Variants in NSMCE4A observed in about 807,000 individuals in gnomAD.
NSMCE4A encodes the protein non-structural maintenance of chromosomes element 4 homolog A.
NSMCE4A carries 40 observed loss-of-function variants against 47.9 expected under a neutral mutation model. The observed-to-expected ratio is 0.83, with a 90% CI of 0.65 to 1.09. NSMCE4A has a LOEUF of 1.09. Ranked by LOEUF, NSMCE4A falls within the 50% of genes least tolerant of loss-of-function variation. NSMCE4A has a pLI of 0.00. For synonymous variants in NSMCE4A, 166 were observed against 178.5 expected, an observed-to-expected ratio of 0.93 and a Z score of 0.56; for missense variants, 500 against 507.0, an observed-to-expected ratio of 0.99 and a Z score of 0.13.
intron 5 of NSMCE4A, among the ~76,000 whole-genome samples, chr10:121,964,561 C>T (rs550398032): frequency 6.6e-6 from 1 of 152,150 alleles, no homozygotes; most frequent in Non-Finnish European, 1.5e-5. Context: ...CCTGCGTCAG[C>T]CTCCCGAATA....
chr10:121,975,005 C>A lies in NSMCE4A; in HGVS notation c.161G>T (p.Ser54Ile). 3 of 1,508,820 alleles carry A rather than the reference C, an allele frequency of 2.0e-6. No individual in the cohort carries two copies. Among genetic ancestry groups the A allele is most frequent in the Non-Finnish European group, 1.8e-6 (2 of 1,132,340 alleles). The allele number at this position is 1,508,820 out of a possible 1,614,324, so 93.5% of individuals were successfully genotyped here. The stretch of plus-strand genomic sequence containing the variant: ...ATCCGACGGCTCTGTGTCCTCCAGG[C>A]TCGGGCGCTCTGGGGCCTCTCTGCG... ...RERREAPERP[S>I]LEDTEPSDSG... Residue 54 changes from serine (S) to isoleucine (I), a missense_variant, in exon 1 of 11, where the codon AGC becomes ATC. Transcript: ENST00000369023.
chr10:121,964,604 G>A (rs1206179534), intron 5 of NSMCE4A, among the ~76,000 whole-genome samples: 1 of 150,468 alleles, frequency 6.6e-6, no homozygotes, highest in Non-Finnish European at 1.5e-5. Flanking sequence ...ACCATACCTA[G>A]CTAATTTCTG....
intron 1 of NSMCE4A, chr10:121,974,386 A>C (rs1952775776): frequency 1.8e-6 from 2 of 1,101,490 alleles, no homozygotes; most frequent in Non-Finnish European, 2.2e-6. Flanking sequence ...CAAGCAATAC[A>C]CACCATCACC....
chr10:121,971,136 A>G (rs1449711946), intron 2 of NSMCE4A, 67 bp from the exon 3 acceptor site: 84 of 1,353,296 alleles, frequency 6.2e-5, no homozygotes, highest in Non-Finnish European at 8.0e-5. Flanking sequence ...TTTTCCCTAC[A>G]TTTCCAACTA....
At chr10:121,963,374 TTA>T in intron 5 of NSMCE4A, 46 bp from the exon 6 acceptor site, 2 of 1,141,434 alleles carry the variant, frequency 1.8e-6, no homozygotes, top group Non-Finnish European at 2.6e-6. Context: ...TACTGGCCTA[TTA>T]ACGTTTTCTT....
At chr10:121,967,625 T>C (rs1952630930) in intron 4 of NSMCE4A, 30 bp downstream of exon 4, 1 of 1,597,098 alleles carries the variant, frequency 6.3e-7, no homozygotes, top group Non-Finnish European at 8.5e-7. Context: ...CACAAATAAC[T>C]GGTCTGTTGG....
intron 3 of NSMCE4A, among the ~76,000 whole-genome samples, chr10:121,969,537 C>T (rs1029258093): frequency 7.6e-6 from 1 of 131,246 alleles, no homozygotes; most frequent in Non-Finnish European, 1.7e-5. Flanking sequence ...GTTTGAAAAA[C>T]AAACTGGAAA....
In NSMCE4A at chr10:121,960,667, A is replaced by C. The variant is rs1952481279; in HGVS notation, c.940-261T>G. 6.6e-6 allele frequency among the ~76,000 whole-genome samples: 1 copy of C among 152,182 alleles called. No individual in the cohort carries two copies. The highest frequency in any genetic ancestry group is 1.5e-5 in the Non-Finnish European group (1 of 68,028). On this transcript the variant is annotated intron_variant, in intron 7 of 10. Transcript: ENST00000369023. The surrounding 1 kb of genome is among the most constrained non-coding windows in gnomAD (Gnocchi z 4.2). ...TAAGTGAAACTCATCTTGTCTCTTT[A>C]ACTGATTTATACATATTTTGGAATA... is the stretch of plus-strand genomic sequence containing the variant.
chr10:121,957,590 C>T (rs539140957), intron 10 of NSMCE4A, among the ~76,000 whole-genome samples: 9 of 151,912 alleles, frequency 5.9e-5, no homozygotes, highest in African/African-American at 1.9e-4. Flanking sequence ...CCCACCACCA[C>T]GCCCAGCTAA....
intron 1 of NSMCE4A, 117 bp downstream of exon 1, chr10:121,974,757 C>G: frequency 8.5e-7 from 1 of 1,169,684 alleles, no homozygotes; most frequent in Non-Finnish European, 1.1e-6. Context: ...CGCGTCTCTA[C>G]TAACGCCGCG....
At chr10:121,970,350 T>C (rs543268070) in intron 3 of NSMCE4A, among the ~76,000 whole-genome samples, 1 of 151,638 alleles carries the variant, frequency 6.6e-6, no homozygotes, top group Non-Finnish European at 1.5e-5. Flanking sequence ...CAGGCGCCTG[T>C]AGTCCCAGCT....
chr10:121,960,256 T>G lies in NSMCE4A; in HGVS notation c.988+102A>C, dbSNP rs574824723. 1.1e-3 allele frequency: 888 copies of G among 775,360 alleles called. 2 individuals are homozygous for G. The highest frequency in any genetic ancestry group is 1.6e-3 in the Non-Finnish European group (824 of 526,302). The allele number at this position is 775,360 out of a possible 1,614,324, so 48.0% of individuals were successfully genotyped here. On this transcript the variant is annotated intron_variant, in intron 8 of 10. Transcript: ENST00000369023. This position sits in a 1 kb window ranked among gnomAD's most constrained non-coding sequence, Gnocchi z 4.2. ...GAGCAAGATACAATATTGTAAAAGT[T>G]AATCTACATTGAAAATTCATTTACA... is the stretch of plus-strand genomic sequence containing the variant.
chr10:121,970,991 T>C lies in NSMCE4A; in HGVS notation c.449A>G (p.Gln150Arg), dbSNP rs755328774. 37 of 1,614,026 alleles carry C rather than the reference T, an allele frequency of 2.3e-5. 1 individual carries two copies. Among genetic ancestry groups the C allele is most frequent in the South Asian group, 3.3e-5 (3 of 91,090 alleles). The change falls in exon 3 of 11, where the codon CAG becomes CGG. Residue 150 changes from glutamine to arginine, a missense_variant. By Grantham distance (43) the Gln-to-Arg change is conservative. Transcript: ENST00000369023. ...AAAGGAGCTCAGGTCTGAGCGCAGC[T>C]GCTTTGCTTTCTCTTTGCCCAAATC... ...ASDLGKEKAK[Q>R]LRSDLSSFDM...
At chr10:121,971,109 C>T in intron 2 of NSMCE4A, 40 bp from the exon 3 acceptor site, 1 of 1,572,966 alleles carries the variant, frequency 6.4e-7, no homozygotes, top group South Asian at 1.1e-5. Flanking sequence ...TTACAAAATA[C>T]ACATTATCCA....
intron 3 of NSMCE4A, 132 bp downstream of exon 3, chr10:121,970,807 A>T (rs1164667188): frequency 1.3e-6 from 1 of 744,250 alleles, no homozygotes; most frequent in South Asian, 3.0e-5. Flanking sequence ...AATTGGTAAG[A>T]TCTCTACAGA....
chr10:121,971,008 G>A lies in NSMCE4A; in HGVS notation c.432C>T (p.Gly144=). ...AGCGCAGCTGCTTTGCTTTCTCTTT[G>A]CCCAAATCTGAAGCCAAAACAAGAA... ...AHFLVLASDL[G]KEKAKQLRSD... The change falls in exon 3 of 11, where the codon GGC becomes GGT. Residue 144 remains glycine (G), a synonymous_variant. Transcript: ENST00000369023. The A allele has an allele frequency of 6.2e-7, 1 of 1,613,904 alleles. No individual in the cohort carries two copies. Among genetic ancestry groups the A allele is most frequent in the Non-Finnish European group, 8.5e-7 (1 of 1,179,910 alleles).
chr10:121,965,590 C>G (rs1590784224), intron 4 of NSMCE4A, among the ~76,000 whole-genome samples: 1 of 152,188 alleles, frequency 6.6e-6, no homozygotes, highest in Admixed American at 6.5e-5. Context: ...CTCCTAGGAG[C>G]TTTACTCAAC....
chr10:121,961,036 TATGA>T (rs71966879), intron 7 of NSMCE4A, among the ~76,000 whole-genome samples: 20,189 of 152,190 alleles, frequency 0.13, 1,543 homozygotes, highest in Middle Eastern at 0.17. Context: ...TATTATTATT[TATGA>T]ATGAAGTGAG....
intron 3 of NSMCE4A, among the ~76,000 whole-genome samples, chr10:121,968,455 A>T (rs12265369): frequency 0.13 from 20,355 of 152,142 alleles, 1,574 homozygotes; most frequent in Middle Eastern, 0.18. Context: ...TCAGATTTTA[A>T]TTTTTTGCCA....
Sources: gnomAD v4.1 joint callset for allele counts (sites outside exome capture counted in the v4.1 genomes callset) on GRCh38, gnomAD v4.1.1 for gene constraint, Gnocchi (gnomAD v3.1) non-coding constraint, MANE v1.5 for transcripts, NCBI Gene and HGNC (gene_info 2026-07-23, HGNC 2026-07-21) for gene names.